ZFAND4: variants seen among roughly 807,000 people sequenced by gnomAD.
ZFAND4 encodes the protein AN1-type zinc finger protein 4.
Under a neutral mutation model 64.4 loss-of-function variants are expected in ZFAND4, and 43 were observed. The observed-to-expected ratio is 0.67, with a 90% CI of 0.52 to 0.86. ZFAND4 has a LOEUF of 0.86. ZFAND4 is among the 40% of genes least tolerant of loss of function. The probability of loss-of-function intolerance (pLI) is 0.00; values close to 1 mark genes in which losing one functional copy is unlikely to be tolerated. For synonymous variants in ZFAND4, 296 were observed against 305.7 expected (o/e 0.97, Z 0.33); for missense variants, 929 against 859.8 (o/e 1.08, Z -1.01).
chr10:45,640,015 C>T, intron 5 of ZFAND4, 52 bp from the exon 6 acceptor site: 1 of 1,552,004 alleles, frequency 6.4e-7, no homozygotes, highest in Non-Finnish European at 8.6e-7. Context: ...TGCTCAGTGA[C>T]TAAAAATGCT....
chr10:45,669,736 C>A (rs2049056655), intron 1 of ZFAND4, among the ~76,000 whole-genome samples: 1 of 152,218 alleles, frequency 6.6e-6, no homozygotes, highest in Non-Finnish European at 1.5e-5. Context: ...ACAGGCAAAT[C>A]AATAAATATA....
intron 6 of ZFAND4, among the ~76,000 whole-genome samples, chr10:45,635,703 T>C (rs990563369): frequency 8.5e-5 from 13 of 152,168 alleles, no homozygotes; most frequent in Non-Finnish European, 1.3e-4. Flanking sequence ...AAAAGTGTGG[T>C]ATATAGCCAT....
At chr10:45,627,706 G>C (rs183025299) in intron 6 of ZFAND4, among the ~76,000 whole-genome samples, 1 of 152,116 alleles carries the variant, frequency 6.6e-6, no homozygotes, top group East Asian at 1.9e-4. Flanking sequence ...AGTCTGAACC[G>C]CAAATGCTAG....
chr10:45,629,844 T>C (rs894399318), intron 6 of ZFAND4, among the ~76,000 whole-genome samples: 4 of 152,040 alleles, frequency 2.6e-5, no homozygotes, highest in African/African-American at 7.2e-5. Context: ...GCCTGGATGA[T>C]AGAGCAAGAC....
chr10:45,658,217 T>C (rs1348488434), intron 2 of ZFAND4, among the ~76,000 whole-genome samples: 1 of 152,110 alleles, frequency 6.6e-6, no homozygotes, highest in African/African-American at 2.4e-5. Context: ...CTGGTATCCA[T>C]ATAAAAAGGA....
chr10:45,637,750 A>AAAAAC (rs201979331), intron 6 of ZFAND4, among the ~76,000 whole-genome samples: 6,992 of 151,584 alleles, frequency 0.046, 388 homozygotes, highest in Admixed American at 0.13. Context: ...ACTCTGTCTC[A>AAAAAC]AAAACAAAAC....
chr10:45,617,827 G>A (rs765936990), intron 9 of ZFAND4: 63 of 157,358 alleles, frequency 4.0e-4, no homozygotes, highest in Non-Finnish European at 7.9e-4. Context: ...AGAATATTCA[G>A]GGAGGGGTTC....
chr10:45,644,154 T>C (rs1396681487), intron 5 of ZFAND4, among the ~76,000 whole-genome samples: 6 of 152,196 alleles, frequency 3.9e-5, no homozygotes, highest in Admixed American at 6.5e-5. Context: ...AATTCAACAG[T>C]ATTTTGACTG....
intron 5 of ZFAND4, among the ~76,000 whole-genome samples, chr10:45,642,109 G>C (rs1226656126): frequency 1.3e-5 from 2 of 152,120 alleles, no homozygotes; most frequent in Non-Finnish European, 2.9e-5. Flanking sequence ...GGAGTTAGAA[G>C]GAATAACTCA....
At chr10:45,656,309 G>A (rs2048098879) in intron 2 of ZFAND4, among the ~76,000 whole-genome samples, 1 of 150,194 alleles carries the variant, frequency 6.7e-6, no homozygotes, top group Non-Finnish European at 1.5e-5. Flanking sequence ...GATTGAAAAA[G>A]AGGGAATCGG....
chr10:45,665,056 AATAAGT>A (rs1477958024), intron 1 of ZFAND4, among the ~76,000 whole-genome samples: 1 of 152,246 alleles, frequency 6.6e-6, no homozygotes. Flanking sequence ...TACAATGGCT[AATAAGT>A]ATGAGTGGTA....
At position 45,626,961 on chromosome 10, in the gene ZFAND4, G is replaced by C; in HGVS notation, c.862C>G (p.Pro288Ala). The C allele has an allele frequency of 6.2e-7, 1 of 1,614,182 alleles. No individual in the cohort carries two copies. The change falls in exon 7 of 10, where the codon CCG becomes GCG. Residue 288 changes from proline (P) to alanine (A), a missense_variant. Coordinates refer to ENST00000344646, the MANE Select transcript of ZFAND4 (RefSeq NM_174890.4). ...SCSPAFGNAY[P>A]PEISRNGISS... ...ATTCCATTCCTGGAGATTTCGGGCG[G>C]ATATGCATTCCCAAAAGCAGGTGAA...
At chr10:45,654,845 C>T (rs1292948647) in intron 2 of ZFAND4, among the ~76,000 whole-genome samples, 5 of 152,052 alleles carry the variant, frequency 3.3e-5, no homozygotes, top group African/African-American at 4.8e-5. Flanking sequence ...CTCTTGAGCT[C>T]CCAGATTCAT....
In ZFAND4 at chr10:45,648,502, C is replaced by G. The variant is rs2047544176; in HGVS notation, c.361G>C (p.Glu121Gln). The change falls in exon 5 of 10, where the codon GAG becomes CAG. Residue 121 changes from glutamate to glutamine, a missense_variant. Physicochemically the swap from Glu to Gln is conservative, Grantham distance 29. Transcript: ENST00000344646. The stretch of plus-strand genomic sequence containing the variant: ...TCAACTCGACTGGAATCCAAGTACT[C>G]TGCCATCTTCCTAAGTGGATCGTCT... ...PTDDPLRKMA[E>Q]YLDSSRVEVW... is the part of the protein sequence containing the mutation. 1 of 1,613,200 alleles carries G rather than the reference C, an allele frequency of 6.2e-7. No homozygotes were observed. Among genetic ancestry groups the G allele is most frequent in the Non-Finnish European group, 8.5e-7 (1 of 1,179,572 alleles).
Position 45,663,609 on chromosome 10 carries a change from A to G in ZFAND4, c.117T>C (p.Cys39=). The change falls in exon 2 of 10, where the codon TGT becomes TGC. Residue 39 remains cysteine, a synonymous_variant. Transcript: ENST00000344646. ...ELFIETLTGT[C]FELRVSPFET... ...CAAAAGGTGAAACTCTCAGCTCAAA[A>G]CATGTTCCAGTTAATGTTTCAATGA... 6.2e-7 allele frequency: 1 copy of G among 1,611,138 alleles called. No homozygotes were observed.
chr10:45,624,657 C>A lies in ZFAND4; in HGVS notation c.1873-20G>T. 6.2e-7 allele frequency: 1 copy of A among 1,605,562 alleles called. No individual in the cohort carries two copies. Among genetic ancestry groups the A allele is most frequent in the South Asian group, 1.1e-5 (1 of 90,714 alleles). On this transcript the variant is annotated intron_variant, in intron 7 of 9. Transcript: ENST00000344646. ...GGTAGACTACAATTAAAACACAAAA[C>A]ATCTATAGAGGTGAGTCAATGAAGA...
chr10:45,669,558 C>T (rs1312852498), intron 1 of ZFAND4, among the ~76,000 whole-genome samples: 2 of 152,182 alleles, frequency 1.3e-5, no homozygotes, highest in African/African-American at 4.8e-5. Flanking sequence ...GATACCAAAG[C>T]CTGGCAGACA....
At chr10:45,641,488 G>C (rs1396279278) in intron 5 of ZFAND4, among the ~76,000 whole-genome samples, 1 of 152,182 alleles carries the variant, frequency 6.6e-6, no homozygotes, top group Admixed American at 6.5e-5. Context: ...AAAGAGAGCA[G>C]ACAGCCCCAT....
At chr10:45,661,053 G>A (rs2048439940) in intron 2 of ZFAND4, among the ~76,000 whole-genome samples, 2 of 152,146 alleles carry the variant, frequency 1.3e-5, no homozygotes, top group Admixed American at 6.5e-5. Context: ...CAGAAACTCA[G>A]ATCTACATAA....
Sources: allele counts gnomAD v4.1 joint callset (sites outside exome capture counted in the v4.1 genomes callset), GRCh38; gene constraint gnomAD v4.1.1; transcripts MANE v1.5; gene names NCBI Gene and HGNC (gene_info 2026-07-23, HGNC 2026-07-21).